GRID1: variants seen among roughly 807,000 people sequenced by gnomAD.
GRID1 encodes glutamate receptor ionotropic, delta-1.
GRID1 carries 28 observed loss-of-function variants against 98.0 expected under a neutral mutation model. The observed-to-expected ratio is 0.29, with a 90% confidence interval of 0.21 to 0.39. The LOEUF (loss-of-function observed/expected upper bound fraction) is 0.39. GRID1 is among the 10% of genes least tolerant of loss of function. The pLI, the probability that GRID1 is intolerant of heterozygous loss-of-function variation, is 1.00. For synonymous variants in GRID1, 553 were observed against 538.5 expected, an observed-to-expected ratio of 1.03 and a Z score of -0.37; for missense variants, 1,111 against 1,340.5, an observed-to-expected ratio of 0.83 and a Z score of 2.67.
intron 2 of GRID1, among the ~76,000 whole-genome samples, chr10:86,312,131 T>C (rs1466717856): frequency 6.6e-6 from 1 of 152,234 alleles, no homozygotes; most frequent in Non-Finnish European, 1.5e-5. Flanking sequence ...CCTCAGCTAC[T>C]GTGAAGTTAA....
chr10:85,810,240 G>T (rs574468582), intron 8 of GRID1, among the ~76,000 whole-genome samples: 6 of 152,048 alleles, frequency 3.9e-5, no homozygotes, highest in Middle Eastern at 3.4e-3. Context: ...AGCAACTTTG[G>T]GCCTCCAACC....
chr10:85,733,455 G>A (rs186754523), intron 8 of GRID1, among the ~76,000 whole-genome samples: 22 of 152,324 alleles, frequency 1.4e-4, no homozygotes, highest in Admixed American at 1.2e-3. Context: ...CTTAGCAGAT[G>A]TTCATGAGTC....
intron 5 of GRID1, among the ~76,000 whole-genome samples, chr10:85,882,453 T>C (rs1841046259): frequency 6.6e-6 from 1 of 152,152 alleles, no homozygotes; most frequent in African/African-American, 2.4e-5. Context: ...ATAAAAATGA[T>C]GAGTTCATGT....
At chr10:85,824,248 C>T (rs763326417) in intron 8 of GRID1, among the ~76,000 whole-genome samples, 3 of 152,074 alleles carry the variant, frequency 2.0e-5, no homozygotes, top group Non-Finnish European at 4.4e-5. Flanking sequence ...GAGTACGATC[C>T]GGCGAGAGAC....
chr10:85,714,782 T>C (rs1272484468), intron 12 of GRID1, among the ~76,000 whole-genome samples: 4 of 152,066 alleles, frequency 2.6e-5, no homozygotes, highest in East Asian at 1.9e-4. Flanking sequence ...TATTCATGGA[T>C]TGGAAAAATT....
intron 2 of GRID1, among the ~76,000 whole-genome samples, chr10:86,297,138 T>C (rs1339312307): frequency 6.6e-6 from 1 of 152,120 alleles, no homozygotes; most frequent in East Asian, 1.9e-4. Flanking sequence ...TCCAAGGAAT[T>C]ATATAAAGTT....
intron 5 of GRID1, among the ~76,000 whole-genome samples, chr10:85,880,211 C>A (rs934527431): frequency 1.3e-5 from 2 of 152,310 alleles, no homozygotes; most frequent in East Asian, 1.9e-4. Context: ...GAGCTGGTAC[C>A]ATTCCTTCTG....
Position 86,054,856 on chromosome 10 carries a change from C to A in GRID1, c.726+83963G>T, listed in dbSNP as rs1039856640. 1.3e-5 allele frequency among the ~76,000 whole-genome samples: 2 copies of A among 152,208 alleles called. 1 individual carries two copies. Among genetic ancestry groups the A allele is most frequent in the Non-Finnish European group, 2.9e-5 (2 of 68,040 alleles). On this transcript the variant is annotated intron_variant, in intron 4 of 15. Transcript: ENST00000327946. ...TTCTCCCATTAGGGGGTGGGGTCTA[C>A]ATTTCATCCCTTGACTTTGGGCAGA... is the stretch of plus-strand genomic sequence containing the variant.
intron 12 of GRID1, among the ~76,000 whole-genome samples, chr10:85,666,569 G>T (rs1564553058): frequency 6.6e-6 from 1 of 152,304 alleles, no homozygotes; most frequent in East Asian, 1.9e-4. Flanking sequence ...GGGGATGGGG[G>T]ATGATTTTAG....
Position 85,720,816 on chromosome 10 carries a change from G to T in GRID1, c.1997+2187C>A, listed in dbSNP as rs373310670. The stretch of plus-strand genomic sequence containing the variant: ...TCTTCGGGGTCTCAGGCTAGGAAAA[G>T]ACTTGACATCAAAAGCGTGATTCGT... On this transcript the variant is annotated intron_variant, in intron 12 of 15. Coordinates refer to ENST00000327946, the MANE Select transcript of GRID1 (RefSeq NM_017551.3). Among the ~76,000 whole-genome samples the T allele has an allele frequency of 5.3e-5, 8 of 152,206 alleles. No homozygotes were observed. In the East Asian group the frequency reaches 9.7e-4, roughly 18 times the overall value.
chr10:85,818,011 AC>A (rs1387473745), intron 8 of GRID1, among the ~76,000 whole-genome samples: 4 of 152,346 alleles, frequency 2.6e-5, no homozygotes, highest in African/African-American at 7.2e-5. Context: ...GATACTCTGA[AC>A]CTAAATACCA....
chr10:86,345,431 C>A (rs1348559518), intron 2 of GRID1, among the ~76,000 whole-genome samples: 1 of 152,204 alleles, frequency 6.6e-6, no homozygotes, highest in African/African-American at 2.4e-5. Context: ...GCTAGCCTAG[C>A]AGCCTGGTCC....
chr10:85,774,841 G>T (rs2132717561), intron 8 of GRID1, among the ~76,000 whole-genome samples: 1 of 151,122 alleles, frequency 6.6e-6, no homozygotes, highest in East Asian at 1.9e-4. Flanking sequence ...TGCTGGAGAG[G>T]ATGTGGAGAA....
chr10:86,196,913 T>C (rs1845882539), intron 3 of GRID1, among the ~76,000 whole-genome samples: 1 of 152,094 alleles, frequency 6.6e-6, no homozygotes, highest in Non-Finnish European at 1.5e-5. Flanking sequence ...CAAATGCTTC[T>C]GGGCCAATAA....
intron 12 of GRID1, among the ~76,000 whole-genome samples, chr10:85,704,264 A>G (rs1229774557): frequency 6.6e-6 from 1 of 152,206 alleles, no homozygotes; most frequent in Non-Finnish European, 1.5e-5. Context: ...AAATAAAAGG[A>G]TGGAGAAGGA....
At chr10:86,209,811 G>A (rs1419670180) in intron 2 of GRID1, among the ~76,000 whole-genome samples, 1 of 152,034 alleles carries the variant, frequency 6.6e-6, no homozygotes, top group Non-Finnish European at 1.5e-5. Context: ...GGCTCTTGTT[G>A]CCCCACCTGC....
At chr10:85,913,590 G>A (rs1021734393) in intron 5 of GRID1, among the ~76,000 whole-genome samples, 4 of 152,136 alleles carry the variant, frequency 2.6e-5, no homozygotes, top group Admixed American at 6.5e-5. Context: ...GGGAGTTCGA[G>A]GCCAGCCTGG....
At chr10:86,063,058 A>G (rs1843670404) in intron 4 of GRID1, among the ~76,000 whole-genome samples, 1 of 152,250 alleles carries the variant, frequency 6.6e-6, no homozygotes, top group Non-Finnish European at 1.5e-5. Flanking sequence ...GCCCAGGAAG[A>G]GAGACAGGAT....
chr10:86,140,465 G>A (rs909245122), intron 3 of GRID1, among the ~76,000 whole-genome samples: 13 of 152,254 alleles, frequency 8.5e-5, no homozygotes, highest in African/African-American at 3.1e-4. Context: ...GCAAGCTGCT[G>A]CAGGAGTCCC....
Sources: allele counts gnomAD v4.1 joint callset (sites outside exome capture counted in the v4.1 genomes callset), GRCh38; gene constraint gnomAD v4.1.1; transcripts MANE v1.5; gene names NCBI Gene and HGNC (gene_info 2026-07-23, HGNC 2026-07-21).